The following ASTN1 variants were observed in gnomAD, a reference collection of about 807,000 sequenced individuals.
The protein encoded by ASTN1 is astrotactin-1.
Under a neutral mutation model 140.7 loss-of-function variants are expected in ASTN1, and 41 were observed. The ratio of observed to expected loss-of-function variants is 0.29; its 90% CI spans 0.23 to 0.38. The LOEUF (loss-of-function observed/expected upper bound fraction) is 0.38. Among genes scored for constraint, ASTN1 ranks in the 10% least tolerant of loss-of-function variants. The probability of loss-of-function intolerance (pLI) is 1.00; values close to 1 mark genes in which losing one functional copy is unlikely to be tolerated. For synonymous variants in ASTN1, 640 were observed against 652.2 expected (o/e 0.98, Z 0.29); for missense variants, 1,479 against 1,678.8 (o/e 0.88, Z 2.08).
At chr1:177,079,827 A>G (rs1558080426) in intron 1 of ASTN1, among the ~76,000 whole-genome samples, 1 of 152,102 alleles carries the variant, frequency 6.6e-6, no homozygotes, top group South Asian at 2.1e-4. Flanking sequence ...GTTATACAGA[A>G]CGTTCGCTCA....
chr1:176,939,997 G>C (rs1671648491), intron 14 of ASTN1, among the ~76,000 whole-genome samples: 1 of 152,096 alleles, frequency 6.6e-6, no homozygotes, highest in Admixed American at 6.5e-5. Flanking sequence ...CTGAAGCCAA[G>C]AGTCCATCCC....
chr1:176,923,317 T>C (rs1277739069), intron 16 of ASTN1, among the ~76,000 whole-genome samples: 1 of 152,202 alleles, frequency 6.6e-6, no homozygotes, highest in Non-Finnish European at 1.5e-5. Flanking sequence ...TTCATTATTA[T>C]ACAGATAAGA....
At chr1:177,053,789 C>A (rs1188511248) in intron 2 of ASTN1, among the ~76,000 whole-genome samples, 2 of 152,122 alleles carry the variant, frequency 1.3e-5, no homozygotes, top group Admixed American at 1.3e-4. Context: ...TTTTCCCTTC[C>A]CTGCCAATAA....
At chr1:177,005,977 T>G (rs1000757649) in intron 8 of ASTN1, among the ~76,000 whole-genome samples, 6 of 152,192 alleles carry the variant, frequency 3.9e-5, no homozygotes, top group African/African-American at 1.4e-4. Context: ...TAAGTTGTAA[T>G]GCATTAAATA....
intron 1 of ASTN1, among the ~76,000 whole-genome samples, chr1:177,136,759 A>AGG (rs1244433531): frequency 1.3e-5 from 2 of 152,170 alleles, no homozygotes; most frequent in East Asian, 1.9e-4. Flanking sequence ...TCACCTACCC[A>AGG]GGGGCTAGTT....
chr1:176,909,021 C>T (rs1265741613), intron 16 of ASTN1, among the ~76,000 whole-genome samples: 1 of 152,160 alleles, frequency 6.6e-6, no homozygotes, highest in Non-Finnish European at 1.5e-5. Context: ...TGGTGGTGAA[C>T]CAAAGCCAAG....
At chr1:176,978,280 G>A (rs1001949603) in intron 8 of ASTN1, among the ~76,000 whole-genome samples, 3 of 152,170 alleles carry the variant, frequency 2.0e-5, no homozygotes, top group African/African-American at 7.2e-5. Flanking sequence ...CTTGGGTAGC[G>A]AATGGGGAGC....
rs144886580 is a variant in ASTN1, at chr1:176,943,307, A to C, written c.2377+584T>G. 1.2e-3 allele frequency among the ~76,000 whole-genome samples: 189 copies of C among 152,156 alleles called. 2 individuals are homozygous for C. Among genetic ancestry groups the C allele is most frequent in the African/African-American group, 4.4e-3 (181 of 41,518 alleles). ...GTGTGTTTGTTCCACAATGAGTCTG[A>C]AGGAAGAATACTGCTGGGCTCAAAA... On this transcript the variant is annotated intron_variant, in intron 14 of 22. Coordinates refer to ENST00000361833, the MANE Select transcript of ASTN1 (RefSeq NM_004319.3).
At chr1:176,964,347 C>T (rs1213659156) in intron 9 of ASTN1, among the ~76,000 whole-genome samples, 1 of 152,106 alleles carries the variant, frequency 6.6e-6, no homozygotes, top group African/African-American at 2.4e-5. Context: ...AGGACTTACT[C>T]AAGGAGGGAC....
intron 8 of ASTN1, among the ~76,000 whole-genome samples, chr1:176,991,614 G>A (rs140425866): frequency 1.4e-3 from 207 of 152,274 alleles, no homozygotes; most frequent in African/African-American, 4.7e-3. Flanking sequence ...CTGTGTGACC[G>A]GGCTAGATTG....
intron 1 of ASTN1, among the ~76,000 whole-genome samples, chr1:177,075,570 G>C (rs1678853518): frequency 6.6e-6 from 1 of 151,386 alleles, no homozygotes; most frequent in African/African-American, 2.4e-5. Context: ...AAAGCTTCAG[G>C]CACGAAGATT....
intron 9 of ASTN1, among the ~76,000 whole-genome samples, chr1:176,962,126 G>A (rs1672690594): frequency 6.6e-6 from 1 of 152,198 alleles, no homozygotes; most frequent in Non-Finnish European, 1.5e-5. Context: ...TCCAAAGGAT[G>A]CAGGCACTCA....
intron 1 of ASTN1, among the ~76,000 whole-genome samples, chr1:177,094,988 A>C (rs1220591337): frequency 6.6e-6 from 1 of 152,194 alleles, no homozygotes; most frequent in East Asian, 1.9e-4. Flanking sequence ...TGGAAATTGG[A>C]AGAAAGGCAA....
chr1:176,997,097 G>A (rs1230348145), intron 8 of ASTN1, among the ~76,000 whole-genome samples: 1 of 152,202 alleles, frequency 6.6e-6, no homozygotes, highest in Non-Finnish European at 1.5e-5. Context: ...TACAATGCAT[G>A]ATGCTGAATT....
At chr1:177,132,536 C>T (rs1188934261) in intron 1 of ASTN1, among the ~76,000 whole-genome samples, 6 of 152,308 alleles carry the variant, frequency 3.9e-5, no homozygotes, top group East Asian at 1.9e-4. Context: ...GCAGCAGGGT[C>T]TCCTTTCTGC....
chr1:177,157,202 A>G (rs969409064), intron 1 of ASTN1, among the ~76,000 whole-genome samples: 1 of 152,238 alleles, frequency 6.6e-6, no homozygotes, highest in African/African-American at 2.4e-5. Context: ...ACATTAATAT[A>G]AGATGTTAAT....
intron 1 of ASTN1, among the ~76,000 whole-genome samples, chr1:177,075,640 CTTTTCTTT>C (rs1408947440): frequency 2.4e-5 from 3 of 122,928 alleles, no homozygotes; most frequent in African/African-American, 9.6e-5. Flanking sequence ...CTTTTCTTTT[CTTTTCTTT>C]TTTTTTTTTT....
At chr1:177,009,694 G>A (rs1675190818) in intron 8 of ASTN1, among the ~76,000 whole-genome samples, 1 of 152,188 alleles carries the variant, frequency 6.6e-6, no homozygotes, top group Non-Finnish European at 1.5e-5. Context: ...GGCATGTCAT[G>A]GTAAGTGCAT....
chr1:177,031,090 C>A, intron 3 of ASTN1, 138 bp from the exon 4 acceptor site: 2 of 944,800 alleles, frequency 2.1e-6, no homozygotes, highest in Non-Finnish European at 3.0e-6. Context: ...AGACTGGCTG[C>A]AAGAAACTGA....
Sources: gnomAD v4.1 joint callset for allele counts (sites outside exome capture counted in the v4.1 genomes callset) on GRCh38, gnomAD v4.1.1 for gene constraint, MANE v1.5 for transcripts, NCBI Gene and HGNC (gene_info 2026-07-23, HGNC 2026-07-21) for gene names.